Variants in MAGI2 observed in about 807,000 individuals in gnomAD.
MAGI2 encodes membrane associated guanylate kinase, WW and PDZ domain containing 2, also known as membrane-associated guanylate kinase, WW and PDZ domain-containing protein 2.
A neutral mutation model predicts 133.3 loss-of-function variants in MAGI2; 35 were observed. The ratio of observed to expected loss-of-function variants is 0.26; its 90% CI spans 0.20 to 0.35. The LOEUF (loss-of-function observed/expected upper bound fraction) is 0.35, where lower values mean the gene tolerates loss of function less well. Ranked by LOEUF, MAGI2 falls within the 10% of genes least tolerant of loss-of-function variation. The pLI, the probability that MAGI2 is intolerant of heterozygous loss-of-function variation, is 1.00. For synonymous variants in MAGI2, 729 were observed against 710.6 expected, an observed-to-expected ratio of 1.03 and a Z score of -0.41; for missense variants, 1,636 against 1,863.4, an observed-to-expected ratio of 0.88 and a Z score of 2.25.
In MAGI2 at chr7:78,883,739, A is replaced by G. The variant is rs1379056096; in HGVS notation, c.418+123351T>C. Among the ~76,000 whole-genome samples the G allele has an allele frequency of 2.0e-5, 3 of 152,216 alleles. No individual in the cohort carries two copies. In the East Asian group the frequency reaches 5.8e-4, roughly 29 times the overall value. On this transcript the variant is annotated intron_variant, in intron 2 of 21. Coordinates refer to ENST00000354212, the MANE Select transcript of MAGI2 (RefSeq NM_012301.4). ...AATCTGATATTTGCTAAAGTATAAA[A>G]AAAAGCAATGGGGGAAAGGACTCCC...
chr7:78,956,096 A>G (rs1037916076), intron 2 of MAGI2, among the ~76,000 whole-genome samples: 1 of 152,106 alleles, frequency 6.6e-6, no homozygotes, highest in Non-Finnish European at 1.5e-5. Context: ...GGTATTTAAA[A>G]GTCTGTGAAG....
chr7:79,077,686 A>G (rs1815655945), intron 1 of MAGI2, among the ~76,000 whole-genome samples: 1 of 151,700 alleles, frequency 6.6e-6, no homozygotes, highest in Non-Finnish European at 1.5e-5. Flanking sequence ...GCAAAATTAG[A>G]TAATGGAAGT....
chr7:79,193,450 T>G (rs1371155239), intron 1 of MAGI2, among the ~76,000 whole-genome samples: 1 of 151,920 alleles, frequency 6.6e-6, no homozygotes, highest in Non-Finnish European at 1.5e-5. Context: ...ACTGTTCTAG[T>G]AAGAATGAAA....
At chr7:78,807,775 A>G (rs1267094330) in intron 2 of MAGI2, among the ~76,000 whole-genome samples, 1 of 152,208 alleles carries the variant, frequency 6.6e-6, no homozygotes, top group African/African-American at 2.4e-5. Context: ...AACTATAAAC[A>G]TCCATTGAAA....
chr7:78,249,968 T>C (rs73702351), intron 10 of MAGI2, among the ~76,000 whole-genome samples: 1 of 152,056 alleles, frequency 6.6e-6, no homozygotes, highest in Non-Finnish European at 1.5e-5. Flanking sequence ...TAAATATGTA[T>C]AATTATTGTC....
chr7:78,744,527 CA>C lies in MAGI2; in HGVS notation c.419-117289del, dbSNP rs552987812. Among the ~76,000 whole-genome samples, 3 of 151,984 alleles carry C rather than the reference CA, an allele frequency of 2.0e-5. No homozygotes were observed. In the South Asian group the frequency reaches 6.2e-4, roughly 32 times the overall value. ...CTTCATTCCCTGCTAGTCCCACTAA[CA>C]AAAAAACGTATCTCATTTAATTTGG... is the stretch of plus-strand genomic sequence containing the variant. On this transcript the variant is annotated intron_variant, in intron 2 of 21. Coordinates refer to ENST00000354212, the MANE Select transcript of MAGI2 (RefSeq NM_012301.4).
chr7:78,600,128 A>G (rs138790409), intron 3 of MAGI2, among the ~76,000 whole-genome samples: 98 of 152,346 alleles, frequency 6.4e-4, no homozygotes, highest in African/African-American at 2.2e-3. Context: ...AGTTTCAAAA[A>G]TGTGATTATC....
intron 1 of MAGI2, among the ~76,000 whole-genome samples, chr7:79,044,994 C>A (rs1812039973): frequency 1.3e-5 from 2 of 152,180 alleles, no homozygotes; most frequent in South Asian, 2.1e-4. Context: ...ATGTTCTTAG[C>A]AACCTAATTC....
At chr7:78,151,101 T>TATTTATATTTATATTTAC (rs1459045717) in intron 16 of MAGI2, among the ~76,000 whole-genome samples, 5 of 148,886 alleles carry the variant, frequency 3.4e-5, no homozygotes, top group Admixed American at 1.3e-4. Flanking sequence ...TTTATATTTA[T>TATTTATATTTATATTTAC]ATATTTGCAC....
chr7:78,601,248 C>A (rs1293712495), intron 3 of MAGI2, among the ~76,000 whole-genome samples: 1 of 152,010 alleles, frequency 6.6e-6, no homozygotes, highest in African/African-American at 2.4e-5. Flanking sequence ...GAACATAAAT[C>A]CCTTACCAAG....
intron 10 of MAGI2, among the ~76,000 whole-genome samples, chr7:78,220,786 C>T (rs182608643): frequency 3.9e-5 from 6 of 152,254 alleles, no homozygotes; most frequent in Admixed American, 3.3e-4. Flanking sequence ...CATGAAATCA[C>T]GTCAATAATT....
At chr7:78,347,189 G>C (rs1791008480) in intron 7 of MAGI2, 1 of 152,114 alleles carries the variant, frequency 6.6e-6, no homozygotes, top group African/African-American at 2.4e-5. Flanking sequence ...CACACTTATT[G>C]TGTGTATACA....
intron 1 of MAGI2, among the ~76,000 whole-genome samples, chr7:79,072,052 C>T (rs1000010338): frequency 1.3e-5 from 2 of 152,096 alleles, no homozygotes; most frequent in African/African-American, 4.8e-5. Context: ...AGGGAAATCC[C>T]CCTACCCCTT....
At chr7:78,119,334 G>A (rs1467044361) in intron 20 of MAGI2, among the ~76,000 whole-genome samples, 1 of 152,132 alleles carries the variant, frequency 6.6e-6, no homozygotes, top group Non-Finnish European at 1.5e-5. Flanking sequence ...ACTGAGGCAG[G>A]CAGATCATGA....
Position 78,201,243 on chromosome 7 carries a change from A to G in MAGI2, c.2048-50T>C, listed in dbSNP as rs377023090. 4.9e-4 allele frequency: 447 copies of G among 904,836 alleles called. 1 individual carries two copies. The highest frequency in any genetic ancestry group is 7.1e-4 in the Non-Finnish European group (430 of 604,642). The allele number at this position is 904,836 out of a possible 1,614,324, so 56.1% of individuals were successfully genotyped here. ...AACTTTGAAAATATTACCGACTGCCACTTATGGGTGGCACGATATTAAGAT... is the reference window on the plus strand; with the variant it reads ...AACTTTGAAAATATTACCGACTGCCGCTTATGGGTGGCACGATATTAAGAT... On this transcript the variant is annotated intron_variant, in intron 10 of 21. Coordinates refer to ENST00000354212, the MANE Select transcript of MAGI2 (RefSeq NM_012301.4).
chr7:79,303,777 A>G (rs4727841), intron 1 of MAGI2, among the ~76,000 whole-genome samples: 57,451 of 152,086 alleles, frequency 0.38, 12,033 homozygotes, highest in African/African-American at 0.54. Context: ...TAGCCCAGAG[A>G]CAAGACCTTA....
chr7:79,436,483 A>T (rs1848153970), intron 1 of MAGI2, among the ~76,000 whole-genome samples: 1 of 152,154 alleles, frequency 6.6e-6, no homozygotes, highest in Non-Finnish European at 1.5e-5. Context: ...CAGAACCTAT[A>T]AGGAACTTGA....
intron 21 of MAGI2, among the ~76,000 whole-genome samples, chr7:78,027,054 C>A (rs1185679250): frequency 1.3e-5 from 2 of 152,192 alleles, no homozygotes; most frequent in African/African-American, 2.4e-5. Flanking sequence ...CAAGGCCACA[C>A]AGCTGGTAGC....
At chr7:78,260,654 G>A in intron 9 of MAGI2, among the ~76,000 whole-genome samples, 1 of 151,936 alleles carries the variant, frequency 6.6e-6, no homozygotes, top group South Asian at 2.1e-4. Flanking sequence ...TTGCTAAATG[G>A]TCATTCACTT....
Sources: gnomAD v4.1 joint callset for allele counts (sites outside exome capture counted in the v4.1 genomes callset) on GRCh38, gnomAD v4.1.1 for gene constraint, MANE v1.5 for transcripts, NCBI Gene and HGNC (gene_info 2026-07-23, HGNC 2026-07-21) for gene names.